AGMO: variants seen among roughly 807,000 people sequenced by gnomAD.
AGMO encodes alkylglycerol monooxygenase, also known as glyceryl-ether monooxygenase.
A neutral mutation model predicts 60.2 loss-of-function variants in AGMO; 75 were observed. The observed-to-expected ratio is 1.25, with a 90% CI of 1.03 to 1.51. The LOEUF (loss-of-function observed/expected upper bound fraction) is 1.51, where lower values mean the gene tolerates loss of function less well. AGMO is among the 40% of genes most tolerant of loss of function. AGMO has a pLI of 0.00. For missense variants in AGMO, 763 were observed against 525.5 expected (o/e 1.45, Z -4.42); for synonymous variants, 261 against 177.1 (o/e 1.47, Z -3.76).
intron 12 of AGMO, among the ~76,000 whole-genome samples, chr7:15,278,175 C>T (rs957735717): frequency 6.6e-6 from 1 of 152,116 alleles, no homozygotes; most frequent in Non-Finnish European, 1.5e-5. Context: ...TCACTCAGTC[C>T]AATACAGACA....
the AGMO span, among the ~76,000 whole-genome samples, chr7:15,161,591 A>G: frequency 2.0e-5 from 3 of 151,212 alleles, no homozygotes; most frequent in African/African-American, 7.3e-5. Flanking sequence ...GTATATATAC[A>G]TATATGTATC....
chr7:15,310,935 C>A (rs75831289), intron 12 of AGMO, among the ~76,000 whole-genome samples: 1 of 152,010 alleles, frequency 6.6e-6, no homozygotes, highest in Non-Finnish European at 1.5e-5. Context: ...AATAGTGAGT[C>A]CTTCTCAGAT....
In AGMO at chr7:15,561,747, T is replaced by C. The variant is rs1401469380; in HGVS notation, c.99A>G (p.Leu33=). Reference sequence around the variant, plus strand: ...TTTTTACATAATCAGGCACCTCTTCTAATGTTTGGAATGAAGTTTCACTGG... The same window carrying C: ...TTTTTACATAATCAGGCACCTCTTCCAATGTTTGGAATGAAGTTTCACTGG... The part of the protein sequence containing the change: ...MKPSETSFQT[L]EEVPDYVKKA... The change falls in exon 1 of 13, where the codon TTA becomes TTG. Residue 33 remains leucine, a synonymous_variant. Transcript: ENST00000342526. 3 of 1,611,852 alleles carry C rather than the reference T, an allele frequency of 1.9e-6. No individual in the cohort carries two copies. In the Admixed American group the frequency reaches 5.0e-5, roughly 27 times the overall value.
chr7:15,401,464 T>C lies in AGMO; in HGVS notation c.610-7285A>G, dbSNP rs139665688. Among the ~76,000 whole-genome samples, 686 of 152,276 alleles carry C rather than the reference T, an allele frequency of 4.5e-3. 4 individuals carry two copies. Among genetic ancestry groups the C allele is most frequent in the African/African-American group, 0.016 (653 of 41,556 alleles). ...TTCAAAACAAATTATTTCATTTGTT[T>C]GAATTGCTTGGAAATTTGCCTCCTC... On this transcript the variant is annotated intron_variant, in intron 5 of 12. Transcript: ENST00000342526.
At chr7:15,389,132 G>C (rs961859018) in intron 8 of AGMO, among the ~76,000 whole-genome samples, 1 of 152,188 alleles carries the variant, frequency 6.6e-6, no homozygotes, top group Non-Finnish European at 1.5e-5. Flanking sequence ...GCTTCTGAAA[G>C]AAATCACCCA....
At chr7:15,547,915 T>C (rs1449575117) in intron 2 of AGMO, among the ~76,000 whole-genome samples, 9 of 152,170 alleles carry the variant, frequency 5.9e-5, no homozygotes, top group African/African-American at 2.2e-4. Context: ...TAAATGTCCC[T>C]GTCTGATAGC....
chr7:15,231,321 ATAGTTTGATGG>A, intron 12 of AGMO, among the ~76,000 whole-genome samples: 1 of 152,216 alleles, frequency 6.6e-6, no homozygotes, highest in East Asian at 1.9e-4. Flanking sequence ...TATGAATACG[ATAGTTTGATGG>A]ACTCTGCTTC....
At chr7:15,149,045 T>A in the AGMO span, among the ~76,000 whole-genome samples, 1 of 152,204 alleles carries the variant, frequency 6.6e-6, no homozygotes, top group East Asian at 1.9e-4. Context: ...TTATTGTGAT[T>A]TTGATTTGCA....
intron 2 of AGMO, among the ~76,000 whole-genome samples, chr7:15,551,049 A>G (rs1562568693): frequency 2.6e-5 from 4 of 151,262 alleles, no homozygotes; most frequent in African/African-American, 4.9e-5. Flanking sequence ...GCATATAAAC[A>G]GAGCCAAAGA....
At chr7:15,189,789 T>G in the AGMO span, among the ~76,000 whole-genome samples, 2 of 151,442 alleles carry the variant, frequency 1.3e-5, no homozygotes, top group Admixed American at 1.3e-4. Context: ...TATTTCTTGT[T>G]GAATTTTTAA....
At chr7:15,409,389 G>C (rs1784783369) in intron 5 of AGMO, among the ~76,000 whole-genome samples, 1 of 151,942 alleles carries the variant, frequency 6.6e-6, no homozygotes, top group Non-Finnish European at 1.5e-5. Flanking sequence ...TGAGGAAAAA[G>C]TGTGACAAGT....
At chr7:15,247,948 G>C (rs1376653173) in intron 12 of AGMO, among the ~76,000 whole-genome samples, 1 of 151,340 alleles carries the variant, frequency 6.6e-6, no homozygotes, top group Admixed American at 6.6e-5. Flanking sequence ...AATGTATTGA[G>C]GGAAGAGGAA....
At chr7:15,497,508 C>T (rs963275927) in intron 3 of AGMO, among the ~76,000 whole-genome samples, 5 of 151,946 alleles carry the variant, frequency 3.3e-5, no homozygotes, top group African/African-American at 1.2e-4. Flanking sequence ...TCCACACTGG[C>T]TTTGAGAAGT....
At chr7:15,437,224 A>G (rs1781426681) in intron 3 of AGMO, among the ~76,000 whole-genome samples, 1 of 152,178 alleles carries the variant, frequency 6.6e-6, no homozygotes, top group Non-Finnish European at 1.5e-5. Flanking sequence ...AAGTGTCATC[A>G]ATTTTATCAT....
At chr7:15,389,159 G>C (rs928534022) in intron 8 of AGMO, among the ~76,000 whole-genome samples, 1 of 152,112 alleles carries the variant, frequency 6.6e-6, no homozygotes, top group African/African-American at 2.4e-5. Flanking sequence ...GGCAGCACTG[G>C]CATCATACAG....
At chr7:15,155,716 A>G in the AGMO span, among the ~76,000 whole-genome samples, 1 of 152,068 alleles carries the variant, frequency 6.6e-6, no homozygotes, top group Non-Finnish European at 1.5e-5. Flanking sequence ...TCTGGCTTTC[A>G]GAGTTGCCAG....
chr7:15,395,310 T>C (rs1216845005), intron 5 of AGMO, among the ~76,000 whole-genome samples: 1 of 152,112 alleles, frequency 6.6e-6, no homozygotes, highest in Non-Finnish European at 1.5e-5. Flanking sequence ...GATAAGTCAG[T>C]GTCACGGGAA....
chr7:15,123,385 G>A, the AGMO span, among the ~76,000 whole-genome samples: 51 of 151,804 alleles, frequency 3.4e-4, no homozygotes, highest in Admixed American at 5.3e-4. Context: ...GATCTGAGAA[G>A]TTATTTTTTC....
chr7:15,338,109 A>G (rs146972966), intron 12 of AGMO, among the ~76,000 whole-genome samples: 1 of 151,966 alleles, frequency 6.6e-6, no homozygotes, highest in South Asian at 2.1e-4. Flanking sequence ...GCATCTAGAA[A>G]CTCCTGAATA....
Sources: allele counts gnomAD v4.1 joint callset (sites outside exome capture counted in the v4.1 genomes callset), GRCh38; gene constraint gnomAD v4.1.1; transcripts MANE v1.5; gene names NCBI Gene and HGNC (gene_info 2026-07-23, HGNC 2026-07-21).